The following BFAR variants were observed in gnomAD, a reference collection of about 807,000 sequenced individuals.
BFAR encodes the protein bifunctional apoptosis regulator.
A neutral mutation model predicts 54.4 loss-of-function variants in BFAR; 52 were observed. The observed-to-expected ratio is 0.96, with a 90% CI of 0.77 to 1.21. The LOEUF (loss-of-function observed/expected upper bound fraction) is 1.21. BFAR is among the 50% of genes most tolerant of loss of function. The pLI is 0.00. For missense variants in BFAR, 571 were observed against 534.0 expected, an observed-to-expected ratio of 1.07 and a Z score of -0.68; for synonymous variants, 215 against 204.3, an observed-to-expected ratio of 1.05 and a Z score of -0.45.
chr16:14,639,124 A>G (rs746942046), intron 1 of BFAR, among the ~76,000 whole-genome samples: 5 of 152,092 alleles, frequency 3.3e-5, no homozygotes, highest in Admixed American at 1.3e-4. Flanking sequence ...ATAGATGATC[A>G]TTCAAATTCA....
rs1307370924 is a variant in BFAR at position 14,661,950 on chromosome 16, T to A, written c.842T>A (p.Leu281Gln). 2 of 1,614,048 alleles carry A rather than the reference T, an allele frequency of 1.2e-6. No homozygotes were observed. The highest frequency in any genetic ancestry group is 1.7e-5 in the Admixed American group (1 of 59,984). ...LLYALKSSPR[L>Q]SLLYLYLFDY... is the part of the protein sequence containing the mutation. ...TACGCCCTCAAGAGCTCCCCCAGGC[T>A]GAGTCTGCTCTACCTGTACCTGTTT... The change falls in exon 6 of 8, where the codon CTG becomes CAG. Residue 281 changes from leucine to glutamine, a missense_variant. Leu to Gln is a moderately radical substitution (Grantham distance 113). Transcript: ENST00000261658.
chr16:14,636,529 C>T (rs925814546), intron 1 of BFAR, among the ~76,000 whole-genome samples: 1 of 152,214 alleles, frequency 6.6e-6, no homozygotes, highest in African/African-American at 2.4e-5. Context: ...AGCCCTAAGG[C>T]GGTTTTCCCC....
At chr16:14,658,606 G>C (rs1026671140) in intron 5 of BFAR, among the ~76,000 whole-genome samples, 1 of 151,894 alleles carries the variant, frequency 6.6e-6, no homozygotes, top group African/African-American at 2.4e-5. Context: ...GGTGGTGGGC[G>C]CCTGTAGTCC....
rs533601770 is a variant in BFAR at position 14,640,697 on chromosome 16, C to G, written c.-73-3577C>G. Among the ~76,000 whole-genome samples, 13 of 152,278 alleles carry G rather than the reference C, an allele frequency of 8.5e-5. No homozygotes were observed. In the East Asian group the frequency reaches 2.3e-3, roughly 27 times the overall value. On this transcript the variant is annotated intron_variant, in intron 1 of 7. Transcript: ENST00000261658. ...ATAATGATGCGTCACCGTGGTGAGG[C>G]TCACCTGCTTCCTTATAACCACTGC...
intron 1 of BFAR, among the ~76,000 whole-genome samples, chr16:14,633,639 G>A (rs1386208051): frequency 3.9e-5 from 6 of 152,276 alleles, no homozygotes; most frequent in Admixed American, 1.3e-4. Context: ...AAATAACTTA[G>A]GCAAAAGAGA....
chr16:14,659,995 A>C (rs1960245241), intron 5 of BFAR, among the ~76,000 whole-genome samples: 1 of 152,212 alleles, frequency 6.6e-6, no homozygotes, highest in African/African-American at 2.4e-5. Context: ...ATTGATATAC[A>C]CCTACTTAAA....
At chr16:14,636,241 A>C (rs1959434983) in intron 1 of BFAR, among the ~76,000 whole-genome samples, 2 of 152,186 alleles carry the variant, frequency 1.3e-5, no homozygotes, top group African/African-American at 4.8e-5. Context: ...ATAGAGAAAG[A>C]AATAAGGAGG....
chr16:14,661,778 A>G (rs1960295199), intron 5 of BFAR, 114 bp from the exon 6 acceptor site: 2 of 1,137,984 alleles, frequency 1.8e-6, no homozygotes, highest in Non-Finnish European at 2.6e-6. Flanking sequence ...TCATTCATGC[A>G]TTGTGTGTAC....
chr16:14,639,146 A>G (rs2151835022), intron 1 of BFAR, among the ~76,000 whole-genome samples: 1 of 152,102 alleles, frequency 6.6e-6, no homozygotes, highest in Admixed American at 6.6e-5. Flanking sequence ...CAACTCAGAA[A>G]AACAAGTTCC....
Position 14,662,043 on chromosome 16 carries a change from A to C in BFAR, c.935A>C (p.Glu312Ala), listed in dbSNP as rs575646463. The C allele has an allele frequency of 2.5e-6, 4 of 1,614,100 alleles. No homozygotes were observed. Among genetic ancestry groups the C allele is most frequent in the Non-Finnish European group, 3.4e-6 (4 of 1,180,000 alleles). ...CCTCTGCAAGAAGACAGCTCTGGGG[A>C]GGACATCGTCACCAAGCTTCTGGTA... ...ICPLQEDSSG[E>A]DIVTKLLDLK... is the part of the protein sequence containing the mutation. Residue 312 changes from glutamate (E) to alanine (A), a missense_variant, in exon 6 of 8, where the codon GAG becomes GCG. By Grantham distance (107) the Glu-to-Ala change is moderately radical. Coordinates refer to ENST00000261658, the MANE Select transcript of BFAR (RefSeq NM_016561.3).
In BFAR at chr16:14,668,852, T is replaced by C. The variant is rs1363907533; in HGVS notation, c.*1025T>C. Reference sequence around the variant, plus strand: ...CTCTGTCTTAAAAAAAAAAAAAAAATCATCTGTAAAATAAATTCCGGGATA... The same window carrying C: ...CTCTGTCTTAAAAAAAAAAAAAAAACCATCTGTAAAATAAATTCCGGGATA... On this transcript the variant is annotated 3_prime_UTR_variant, in exon 8 of 8. Coordinates refer to ENST00000261658, the MANE Select transcript of BFAR (RefSeq NM_016561.3). The C allele has an allele frequency of 1.2e-5, 2 of 171,882 alleles. No homozygotes were observed. The highest frequency in any genetic ancestry group is 2.5e-5 in the Non-Finnish European group (2 of 79,566). The allele number at this position is 171,882 out of a possible 1,614,324, so 10.6% of individuals were successfully genotyped here.
Position 14,664,866 on chromosome 16 carries a change from A to G in BFAR, c.958-3A>G, listed in dbSNP as rs1306014094. The G allele has an allele frequency of 2.5e-6, 4 of 1,611,734 alleles. No homozygotes were observed. Among genetic ancestry groups the G allele is most frequent in the Non-Finnish European group, 3.4e-6 (4 of 1,178,006 alleles). On this transcript the variant is annotated splice_polypyrimidine_tract_variant and splice_region_variant and intron_variant, in intron 6 of 7. Transcript: ENST00000261658. ...TTTTTGCGTCTGTGTGTTATTTTTT[A>G]AGGATCTTAAGGAGCCTACGTGGAA...
intron 1 of BFAR, among the ~76,000 whole-genome samples, chr16:14,634,719 T>C (rs1442057770): frequency 6.6e-6 from 1 of 152,110 alleles, no homozygotes; most frequent in African/African-American, 2.4e-5. Flanking sequence ...GACATGATTA[T>C]CCTAGACGGA....
chr16:14,661,165 C>G (rs1331830879), intron 5 of BFAR, among the ~76,000 whole-genome samples: 2 of 152,254 alleles, frequency 1.3e-5, no homozygotes, highest in African/African-American at 4.8e-5. Flanking sequence ...GTAGATTTCA[C>G]TGGTTTCACT....
intron 2 of BFAR, among the ~76,000 whole-genome samples, chr16:14,647,148 G>A (rs1030217548): frequency 2.6e-5 from 4 of 151,324 alleles, no homozygotes; most frequent in African/African-American, 9.7e-5. Flanking sequence ...GCAATGGTGC[G>A]ATCTCAGCTC....
chr16:14,641,209 G>C (rs375199011), intron 1 of BFAR, among the ~76,000 whole-genome samples: 76 of 152,272 alleles, frequency 5.0e-4, no homozygotes, highest in African/African-American at 1.8e-3. Context: ...TGGAGCACCA[G>C]GGGTAGGAAT....
chr16:14,667,447 G>A, intron 7 of BFAR, 188 bp from the exon 8 acceptor site: 2 of 582,294 alleles, frequency 3.4e-6, no homozygotes, highest in Non-Finnish European at 6.0e-6. Context: ...GCTCCCTGTA[G>A]GTCATGTCCT....
intron 3 of BFAR, 62 bp downstream of exon 3, chr16:14,648,654 C>A: frequency 8.6e-7 from 1 of 1,164,008 alleles, no homozygotes; most frequent in Non-Finnish European, 1.2e-6. Flanking sequence ...CCCTGATTTC[C>A]ACTGAAGTCA....
At chr16:14,662,192 C>T in intron 6 of BFAR, 127 bp downstream of exon 6, 1 of 1,099,590 alleles carries the variant, frequency 9.1e-7, no homozygotes, top group Non-Finnish European at 1.3e-6. Context: ...TCTGGTAGGT[C>T]ATTTGAGAGT....
Sources: allele counts gnomAD v4.1 joint callset (sites outside exome capture counted in the v4.1 genomes callset), GRCh38; gene constraint gnomAD v4.1.1; transcripts MANE v1.5; gene names NCBI Gene and HGNC (gene_info 2026-07-23, HGNC 2026-07-21).